The following LRRTM4 variants were observed in gnomAD, a reference collection of about 807,000 sequenced individuals.
The protein encoded by LRRTM4 is leucine-rich repeat transmembrane neuronal protein 4.
In LRRTM4, 25 loss-of-function variants were observed where a neutral mutation model predicts 47.6. The ratio of observed to expected loss-of-function variants is 0.53; its 90% confidence interval spans 0.38 to 0.73. LRRTM4 has a LOEUF of 0.73. Among genes scored for constraint, LRRTM4 ranks in the 30% least tolerant of loss-of-function variants. LRRTM4 has a pLI of 0.00. For missense variants in LRRTM4, 638 were observed against 713.4 expected (o/e 0.89, Z 1.20); for synonymous variants, 311 against 269.5 (o/e 1.15, Z -1.51).
intron 3 of LRRTM4, among the ~76,000 whole-genome samples, chr2:77,392,699 T>C (rs79698658): frequency 0.016 from 2,451 of 151,994 alleles, 58 homozygotes; most frequent in African/African-American, 0.052. Flanking sequence ...GAGTAAAATA[T>C]TGGTTACCAG....
chr2:77,051,318 A>T (rs1038234139), intron 3 of LRRTM4, among the ~76,000 whole-genome samples: 3 of 152,100 alleles, frequency 2.0e-5, no homozygotes, highest in Admixed American at 2.0e-4. Context: ...CTGTTAGGAG[A>T]GTGGGATAAA....
At chr2:76,897,684 C>T (rs1673469699) in intron 3 of LRRTM4, among the ~76,000 whole-genome samples, 1 of 152,082 alleles carries the variant, frequency 6.6e-6, no homozygotes, top group African/African-American at 2.4e-5. Flanking sequence ...TACACTTAGG[C>T]AAATACTATT....
At chr2:77,132,281 C>T (rs987141383) in intron 3 of LRRTM4, among the ~76,000 whole-genome samples, 20 of 152,100 alleles carry the variant, frequency 1.3e-4, no homozygotes, top group African/African-American at 4.3e-4. Flanking sequence ...ACTTAGCATA[C>T]TGACTTTCAT....
chr2:77,073,769 C>A (rs6738467), intron 3 of LRRTM4, among the ~76,000 whole-genome samples: 51,003 of 151,390 alleles, frequency 0.34, 9,920 homozygotes, highest in African/African-American at 0.54. Flanking sequence ...CTCTCTCTCT[C>A]TATATATACA....
intron 3 of LRRTM4, among the ~76,000 whole-genome samples, chr2:77,373,084 A>ATATATAT (rs1553435852): frequency 1.4e-4 from 18 of 127,252 alleles, no homozygotes; most frequent in African/African-American, 4.7e-4. Context: ...ACAATTAAAA[A>ATATATAT]AAAAATATAT....
chr2:76,839,653 T>C (rs1403793146), intron 3 of LRRTM4, among the ~76,000 whole-genome samples: 2 of 152,090 alleles, frequency 1.3e-5, no homozygotes, highest in African/African-American at 2.4e-5. Flanking sequence ...TATTCAAACA[T>C]AGCTTTTCCC....
chr2:76,846,452 AT>A lies in LRRTM4; in HGVS notation c.1552-97537del, dbSNP rs138808437. On this transcript the variant is annotated intron_variant, in intron 3 of 3. Coordinates refer to ENST00000409884, the MANE Select transcript of LRRTM4 (RefSeq NM_001134745.3). ...TAAAATGGATCAAAATTCAGATTTT[AT>A]TCCATTTATATCATTTTACATGTAT... Among the ~76,000 whole-genome samples, 675 of 152,316 alleles carry A rather than the reference AT, an allele frequency of 4.4e-3. 4 individuals carry two copies. The highest frequency in any genetic ancestry group is 0.016 in the African/African-American group (646 of 41,568).
chr2:76,788,337 C>T (rs1480732799), intron 3 of LRRTM4, among the ~76,000 whole-genome samples: 31 of 152,134 alleles, frequency 2.0e-4, no homozygotes. Flanking sequence ...CCTAGATATC[C>T]GTCTTGAATA....
intron 3 of LRRTM4, among the ~76,000 whole-genome samples, chr2:77,186,931 AATT>A (rs1355807870): frequency 1.3e-5 from 2 of 152,128 alleles, no homozygotes; most frequent in African/African-American, 4.8e-5. Flanking sequence ...GATAAGAAAA[AATT>A]ATTACTGTCC....
chr2:77,443,259 A>G (rs1675917700), intron 3 of LRRTM4, among the ~76,000 whole-genome samples: 2 of 152,120 alleles, frequency 1.3e-5, no homozygotes, highest in Admixed American at 6.6e-5. Flanking sequence ...GAACTGGTCA[A>G]ATTTAAGCTT....
At chr2:77,262,323 T>C (rs1675938729) in intron 3 of LRRTM4, among the ~76,000 whole-genome samples, 1 of 152,086 alleles carries the variant, frequency 6.6e-6, no homozygotes, top group African/African-American at 2.4e-5. Context: ...AGAAAAATTG[T>C]CTTCCACAAA....
At chr2:77,288,549 A>C (rs145819390) in intron 3 of LRRTM4, among the ~76,000 whole-genome samples, 112 of 152,190 alleles carry the variant, frequency 7.4e-4, no homozygotes, top group African/African-American at 2.5e-3. Flanking sequence ...TTAAGAACTC[A>C]TCATTTTCCA....
chr2:76,994,345 T>C (rs1573419318), intron 3 of LRRTM4, among the ~76,000 whole-genome samples: 1 of 151,928 alleles, frequency 6.6e-6, no homozygotes, highest in East Asian at 1.9e-4. Flanking sequence ...ACAATGATGG[T>C]GAATCCCCCA....
chr2:76,905,292 G>C (rs893793107), intron 3 of LRRTM4, among the ~76,000 whole-genome samples: 3 of 152,190 alleles, frequency 2.0e-5, no homozygotes, highest in Admixed American at 6.5e-5. Flanking sequence ...TGAGGGTCCT[G>C]TCTGTTAGAA....
At chr2:77,023,789 T>C (rs1678356318) in intron 3 of LRRTM4, among the ~76,000 whole-genome samples, 1 of 152,176 alleles carries the variant, frequency 6.6e-6, no homozygotes, top group Admixed American at 6.5e-5. Flanking sequence ...CATCTTCCTG[T>C]CTTCTTTTGG....
At chr2:77,376,448 A>G (rs2103781844) in intron 3 of LRRTM4, among the ~76,000 whole-genome samples, 1 of 149,786 alleles carries the variant, frequency 6.7e-6, no homozygotes, top group East Asian at 2.0e-4. Flanking sequence ...TTCAGTCCCC[A>G]TCCCCAATAC....
At chr2:77,397,629 T>C (rs1037549358) in intron 3 of LRRTM4, among the ~76,000 whole-genome samples, 19 of 151,984 alleles carry the variant, frequency 1.3e-4, no homozygotes, top group Admixed American at 2.0e-4. Context: ...AAGAATGTGA[T>C]TTGCCTCCTC....
chr2:76,780,044 A>G (rs1197329552), intron 3 of LRRTM4, among the ~76,000 whole-genome samples: 1 of 152,170 alleles, frequency 6.6e-6, no homozygotes, highest in East Asian at 1.9e-4. Flanking sequence ...TGGATATGCA[A>G]TTCTGGGTTG....
intron 3 of LRRTM4, among the ~76,000 whole-genome samples, chr2:77,017,999 T>C (rs1678130137): frequency 6.6e-6 from 1 of 151,784 alleles, no homozygotes; most frequent in Non-Finnish European, 1.5e-5. Context: ...AAGGTAAATC[T>C]AAATTTCTTA....
Sources: allele counts gnomAD v4.1 joint callset (sites outside exome capture counted in the v4.1 genomes callset), GRCh38; gene constraint gnomAD v4.1.1; transcripts MANE v1.5; gene names NCBI Gene and HGNC (gene_info 2026-07-23, HGNC 2026-07-21).